The following SDK1 variants were observed in gnomAD, a reference collection of about 807,000 sequenced individuals.
The protein encoded by SDK1 is protein sidekick-1.
A neutral mutation model predicts 245.5 loss-of-function variants in SDK1; 157 were observed. The observed-to-expected ratio is 0.64, with a 90% CI of 0.56 to 0.73. The LOEUF (loss-of-function observed/expected upper bound fraction) is 0.73. SDK1 is among the 30% of genes least tolerant of loss of function. The probability of loss-of-function intolerance (pLI) is 0.00; values close to 1 mark genes in which losing one functional copy is unlikely to be tolerated. For synonymous variants in SDK1, 1,647 were observed against 1,278.5 expected (o/e 1.29, Z -6.15); for missense variants, 3,583 against 3,002.3 (o/e 1.19, Z -4.52).
At chr7:3,967,496 T>G in intron 10 of SDK1, 62 bp downstream of exon 10, 1 of 970,778 alleles carries the variant, frequency 1.0e-6, no homozygotes, top group Non-Finnish European at 1.7e-6. Context: ...ATCGGGCCAG[T>G]GCTTGCTTCT....
At chr7:3,500,326 A>G (rs960542857) in intron 1 of SDK1, among the ~76,000 whole-genome samples, 6 of 152,130 alleles carry the variant, frequency 3.9e-5, no homozygotes, top group Admixed American at 2.0e-4. Flanking sequence ...GTCATCTGGT[A>G]TCTTAAAACG....
rs74954798 is a variant in SDK1 at position 3,734,462 on chromosome 7, T to G, written c.714-86988T>G. Among the ~76,000 whole-genome samples the G allele has an allele frequency of 2.9e-4, 44 of 152,222 alleles. No homozygotes were observed. The East Asian group carries it at 8.1e-3, about 28-fold the overall frequency. Reference sequence around the variant, plus strand: ...ACTTTAATCCACTTATAGATGGTGTTAAGAATGATCCTTGAAAAGGGATGT... The same window carrying G: ...ACTTTAATCCACTTATAGATGGTGTGAAGAATGATCCTTGAAAAGGGATGT... On this transcript the variant is annotated intron_variant, in intron 4 of 44. Coordinates refer to ENST00000404826, the MANE Select transcript of SDK1 (RefSeq NM_152744.4).
At chr7:3,352,320 G>C (rs1780681566) in intron 1 of SDK1, among the ~76,000 whole-genome samples, 1 of 151,436 alleles carries the variant, frequency 6.6e-6, no homozygotes. Flanking sequence ...CAATATTTTT[G>C]TGAATTCTTC....
chr7:4,045,689 G>A (rs778252819), intron 17 of SDK1, among the ~76,000 whole-genome samples: 6 of 152,156 alleles, frequency 3.9e-5, no homozygotes, highest in Non-Finnish European at 7.4e-5. Context: ...ATGGGCATCC[G>A]CATCTCAAAC....
chr7:3,329,856 A>G (rs924343403), intron 1 of SDK1, among the ~76,000 whole-genome samples: 4 of 152,230 alleles, frequency 2.6e-5, no homozygotes, highest in Non-Finnish European at 4.4e-5. Context: ...TAGCATTTAT[A>G]CTTTATTAGG....
rs149023954 is a variant in SDK1, at chr7:4,145,893, C to G, written c.4400C>G (p.Thr1467Ser). 1 of 1,598,796 alleles carries G rather than the reference C, an allele frequency of 6.3e-7. No individual in the cohort carries two copies. The highest frequency in any genetic ancestry group is 1.4e-5 in the African/African-American group (1 of 72,672). ...GGCTGGGGGGAGCCACTGGAGGCCA[C>G]CGTCATCACCACCGAGAAGAGAGGT... ...RQGWGEPLEA[T>S]VITTEKRERP... Residue 1467 changes from threonine (T) to serine (S), a missense_variant, in exon 29 of 45, where the codon ACC becomes AGC. Coordinates refer to ENST00000404826, the MANE Select transcript of SDK1 (RefSeq NM_152744.4).
chr7:4,223,964 G>A (rs73048290), intron 40 of SDK1, among the ~76,000 whole-genome samples: 22,184 of 152,136 alleles, frequency 0.15, 2,337 homozygotes, highest in Non-Finnish European at 0.21. Flanking sequence ...TCCATGAAGC[G>A]TAGACTTTTG....
intron 4 of SDK1, among the ~76,000 whole-genome samples, chr7:3,734,820 G>A (rs1779275842): frequency 6.6e-6 from 1 of 152,168 alleles, no homozygotes; most frequent in African/African-American, 2.4e-5. Flanking sequence ...AGTATTGTTA[G>A]GATTAGCCAG....
intron 16 of SDK1, among the ~76,000 whole-genome samples, chr7:4,016,163 G>C (rs967019569): frequency 3.3e-5 from 5 of 152,256 alleles, no homozygotes; most frequent in Admixed American, 3.3e-4. Context: ...CATGGAATCT[G>C]CAGAACCACA....
At chr7:4,200,556 C>T (rs1003565037) in intron 35 of SDK1, among the ~76,000 whole-genome samples, 23 of 152,232 alleles carry the variant, frequency 1.5e-4, no homozygotes, top group Non-Finnish European at 3.2e-4. Context: ...TTTCCAAGCT[C>T]ACCCATGCAG....
intron 14 of SDK1, among the ~76,000 whole-genome samples, chr7:4,000,521 C>T (rs1385384100): frequency 1.3e-5 from 2 of 152,114 alleles, no homozygotes; most frequent in Non-Finnish European, 2.9e-5. Context: ...TGGGTTGGTT[C>T]TTCCCCTGCC....
At chr7:3,678,708 G>C (rs556011715) in intron 4 of SDK1, among the ~76,000 whole-genome samples, 1 of 152,260 alleles carries the variant, frequency 6.6e-6, no homozygotes, top group South Asian at 2.1e-4. Flanking sequence ...AGAAATAGTG[G>C]TGATATGCAC....
At chr7:3,675,344 A>G (rs949463499) in intron 4 of SDK1, among the ~76,000 whole-genome samples, 3 of 152,220 alleles carry the variant, frequency 2.0e-5, no homozygotes, top group African/African-American at 4.8e-5. Context: ...TGGAATTATT[A>G]TAACAGCTTC....
chr7:3,548,305 CT>C (rs369475211), intron 1 of SDK1, among the ~76,000 whole-genome samples: 3 of 152,146 alleles, frequency 2.0e-5, no homozygotes, highest in African/African-American at 7.2e-5. Flanking sequence ...CCTTCCCACA[CT>C]GTATACAAAA....
chr7:3,384,350 T>C (rs1485265021), intron 1 of SDK1, among the ~76,000 whole-genome samples: 4 of 152,212 alleles, frequency 2.6e-5, no homozygotes, highest in Non-Finnish European at 4.4e-5. Flanking sequence ...TAATAACATA[T>C]GCTGAAGGAC....
intron 1 of SDK1, among the ~76,000 whole-genome samples, chr7:3,454,866 G>T (rs1780625015): frequency 6.6e-6 from 1 of 152,026 alleles, no homozygotes; most frequent in Non-Finnish European, 1.5e-5. Context: ...GTAATTGCTG[G>T]GTTGTATAGT....
At chr7:3,942,609 T>G (rs1205831624) in intron 5 of SDK1, among the ~76,000 whole-genome samples, 2 of 152,190 alleles carry the variant, frequency 1.3e-5, no homozygotes, top group Admixed American at 6.5e-5. Flanking sequence ...ATGTTTTCTC[T>G]TGTTTCTACA....
intron 1 of SDK1, among the ~76,000 whole-genome samples, chr7:3,541,588 A>G (rs769097451): frequency 6.6e-6 from 1 of 152,208 alleles, no homozygotes; most frequent in African/African-American, 2.4e-5. Context: ...GAAACTTTAT[A>G]TATAACTATG....
chr7:3,751,592 C>T (rs867306515), intron 4 of SDK1, among the ~76,000 whole-genome samples: 18 of 152,272 alleles, frequency 1.2e-4, no homozygotes, highest in African/African-American at 4.1e-4. Context: ...GGATCATGGT[C>T]AGGGACAATT....
Sources: gnomAD v4.1 joint callset for allele counts (sites outside exome capture counted in the v4.1 genomes callset) on GRCh38, gnomAD v4.1.1 for gene constraint, MANE v1.5 for transcripts, NCBI Gene and HGNC (gene_info 2026-07-23, HGNC 2026-07-21) for gene names.